NPAS3: variants seen among roughly 807,000 people sequenced by gnomAD.
NPAS3 encodes neuronal PAS domain protein 3, also known as neuronal PAS domain-containing protein 3.
A neutral mutation model predicts 73.1 loss-of-function variants in NPAS3; 14 were observed. That is an observed-to-expected ratio of 0.19 (90% CI 0.13 to 0.30). The LOEUF is 0.30. Among genes scored for constraint, NPAS3 ranks in the 10% least tolerant of loss-of-function variants. NPAS3 has a pLI of 1.00. For synonymous variants in NPAS3, 620 were observed against 541.5 expected (o/e 1.14, Z -2.01); for missense variants, 1,096 against 1,250.0 (o/e 0.88, Z 1.86).
chr14:33,703,314 C>A (rs1201249301), intron 6 of NPAS3, among the ~76,000 whole-genome samples: 1 of 151,976 alleles, frequency 6.6e-6, no homozygotes, highest in Non-Finnish European at 1.5e-5. Context: ...GTGAGACCCC[C>A]CATTTCTACA....
chr14:33,556,024 C>T (rs17393098), intron 4 of NPAS3, among the ~76,000 whole-genome samples: 2,964 of 151,960 alleles, frequency 0.02, 48 homozygotes, highest in Non-Finnish European at 0.032. Flanking sequence ...GTCATGTAGA[C>T]GTAGACTCAT....
intron 1 of NPAS3, among the ~76,000 whole-genome samples, chr14:32,986,448 A>G (rs1412311376): frequency 6.6e-6 from 1 of 152,198 alleles, no homozygotes. Flanking sequence ...TTTGACTATC[A>G]GGAAAAGTAT....
At chr14:33,162,562 A>G (rs960863736) in intron 2 of NPAS3, among the ~76,000 whole-genome samples, 10 of 152,150 alleles carry the variant, frequency 6.6e-5, no homozygotes, top group Admixed American at 3.3e-4. Flanking sequence ...TGCAGTTGCT[A>G]TTTCCTTTTA....
chr14:33,449,398 T>A (rs2049681495), intron 4 of NPAS3, among the ~76,000 whole-genome samples: 1 of 152,226 alleles, frequency 6.6e-6, no homozygotes, highest in African/African-American at 2.4e-5. Flanking sequence ...TGTGTTGTCA[T>A]GGCTGCTTTC....
At chr14:33,029,327 G>A (rs1425771666) in intron 1 of NPAS3, among the ~76,000 whole-genome samples, 1 of 152,016 alleles carries the variant, frequency 6.6e-6, no homozygotes, top group Non-Finnish European at 1.5e-5. Flanking sequence ...ATTTAAAAAT[G>A]GATCAAAAAG....
At position 33,051,280 on chromosome 14, in the gene NPAS3, CA is replaced by C. The variant is rs1236766783; in HGVS notation, c.51-4608del. Among the ~76,000 whole-genome samples, 460 of 64,238 alleles carry C rather than the reference CA, an allele frequency of 7.2e-3. 29 individuals are homozygous for C. In the East Asian group the frequency reaches 0.11, roughly 15 times the overall value. The allele number at this position is 64,238 out of a possible 152,430, so 42.1% of individuals were successfully genotyped here. A position where few individuals can be genotyped will look rare whatever the true frequency, so the allele number is the denominator to read the frequency against. On this transcript the variant is annotated intron_variant, in intron 1 of 11. Coordinates refer to ENST00000356141, the Ensembl canonical transcript of NPAS3. ...TGGGCAACAGAGCGAGACTCCGTCT[CA>C]AAAAAAAAAAAAAAAAGAGAGACTA... is the stretch of plus-strand genomic sequence containing the variant.
intron 5 of NPAS3, chr14:33,612,722 T>C: frequency 2.9e-6 from 1 of 345,060 alleles, no homozygotes; most frequent in East Asian, 7.4e-5. Context: ...TTAGAACATA[T>C]ATCTCCTAAG....
chr14:33,031,281 A>G (rs1349517472), intron 1 of NPAS3, among the ~76,000 whole-genome samples: 2 of 152,140 alleles, frequency 1.3e-5, no homozygotes, highest in Admixed American at 6.5e-5. Context: ...ATATTAATTT[A>G]TTTGATTCTC....
intron 4 of NPAS3, among the ~76,000 whole-genome samples, chr14:33,471,984 A>G (rs2050804975): frequency 6.6e-6 from 1 of 152,176 alleles, no homozygotes; most frequent in Admixed American, 6.5e-5. Flanking sequence ...TAGGTTGCAC[A>G]CTCCTTATTA....
intron 5 of NPAS3, among the ~76,000 whole-genome samples, chr14:33,669,152 T>A (rs1300849614): frequency 1.3e-5 from 2 of 152,228 alleles, no homozygotes; most frequent in Admixed American, 1.3e-4. Context: ...TACTATTCAT[T>A]TGATCTCCAG....
intron 2 of NPAS3, among the ~76,000 whole-genome samples, chr14:33,194,135 A>T (rs1490674299): frequency 2.0e-5 from 3 of 152,200 alleles, no homozygotes; most frequent in African/African-American, 7.2e-5. Context: ...TATTATTTTT[A>T]AAAATTGCCC....
intron 3 of NPAS3, among the ~76,000 whole-genome samples, chr14:33,219,031 A>C (rs943198785): frequency 1.3e-5 from 2 of 152,200 alleles, no homozygotes; most frequent in Admixed American, 1.3e-4. Context: ...CTTATTTTAG[A>C]AATATCTGTG....
intron 8 of NPAS3, among the ~76,000 whole-genome samples, chr14:33,775,635 T>G (rs1301368495): frequency 6.6e-6 from 1 of 152,192 alleles, no homozygotes; most frequent in Non-Finnish European, 1.5e-5. Context: ...GCTATGAGTG[T>G]TCAATAGGGT....
At chr14:33,299,056 G>T (rs543006558) in intron 3 of NPAS3, among the ~76,000 whole-genome samples, 11 of 152,280 alleles carry the variant, frequency 7.2e-5, no homozygotes, top group African/African-American at 2.6e-4. Flanking sequence ...CCATTTGCAC[G>T]CCTTCTCATG....
chr14:33,193,937 G>T (rs1238419277), intron 2 of NPAS3, among the ~76,000 whole-genome samples: 1 of 152,008 alleles, frequency 6.6e-6, no homozygotes, highest in East Asian at 1.9e-4. Flanking sequence ...CTTTACAGTT[G>T]CAAGATTACA....
At chr14:33,544,967 T>C (rs2054774738) in intron 4 of NPAS3, among the ~76,000 whole-genome samples, 1 of 150,542 alleles carries the variant, frequency 6.6e-6, no homozygotes, top group African/African-American at 2.4e-5. Context: ...ATTTTTCTCC[T>C]ATGTCTCTGT....
At chr14:33,406,131 T>C (rs2047656820) in intron 4 of NPAS3, among the ~76,000 whole-genome samples, 2 of 152,142 alleles carry the variant, frequency 1.3e-5, no homozygotes, top group African/African-American at 4.8e-5. Context: ...GATAAAAATA[T>C]ACATTCAGAG....
intron 9 of NPAS3, chr14:33,780,500 C>T: frequency 2.5e-6 from 1 of 392,408 alleles, no homozygotes; most frequent in Non-Finnish European, 4.9e-6. Context: ...GATGCCTTCT[C>T]ATTTTGGAAT....
chr14:33,683,243 C>T (rs538583696), intron 6 of NPAS3, among the ~76,000 whole-genome samples: 6 of 151,972 alleles, frequency 3.9e-5, no homozygotes, highest in South Asian at 2.1e-4. Flanking sequence ...TTTTCCAAAT[C>T]TTCTATTGAA....
Sources: gnomAD v4.1 joint callset for allele counts (sites outside exome capture counted in the v4.1 genomes callset) on GRCh38, gnomAD v4.1.1 for gene constraint, MANE v1.5 for transcripts, NCBI Gene and HGNC (gene_info 2026-07-23, HGNC 2026-07-21) for gene names.